The following BMPR2 variants were observed in gnomAD, a reference collection of about 807,000 sequenced individuals.
BMPR2 encodes the protein bone morphogenetic protein receptor type 2.
BMPR2 carries 29 observed loss-of-function variants against 100.8 expected under a neutral mutation model. That is an observed-to-expected ratio of 0.29 (90% CI 0.21 to 0.39). BMPR2 has a LOEUF of 0.39. Ranked by LOEUF, BMPR2 falls within the 10% of genes least tolerant of loss-of-function variation. The probability of loss-of-function intolerance (pLI) is 1.00; values close to 1 mark genes in which losing one functional copy is unlikely to be tolerated. For missense variants in BMPR2, 1,011 were observed against 1,274.5 expected, an observed-to-expected ratio of 0.79 and a Z score of 3.15; for synonymous variants, 382 against 442.3, an observed-to-expected ratio of 0.86 and a Z score of 1.71.
intron 1 of BMPR2, among the ~76,000 whole-genome samples, chr2:202,382,580 G>A (rs1690327225): frequency 6.6e-6 from 1 of 152,174 alleles, no homozygotes; most frequent in African/African-American, 2.4e-5. Context: ...TTATAATTTA[G>A]TAGACATTTA....
In BMPR2 at chr2:202,567,728, T is replaced by A. The variant is rs942664273; in HGVS notation, c.*7782T>A. 2.0e-5 allele frequency: 3 copies of A among 152,634 alleles called. No individual in the cohort carries two copies. Among genetic ancestry groups the A allele is most frequent in the African/African-American group, 7.2e-5 (3 of 41,452 alleles). The allele number at this position is 152,634 out of a possible 1,614,324, so 9.5% of individuals were successfully genotyped here. A position where few individuals can be genotyped will look rare whatever the true frequency, so the allele number is the denominator to read the frequency against. On this transcript the variant is annotated 3_prime_UTR_variant, in exon 13 of 13. Transcript: ENST00000374580. ...GTAAAATGGTGCGTTATTCCGTTTA[T>A]TAAAGATCATATTAATGACAATAGT...
At position 202,411,778 on chromosome 2, in the gene BMPR2, A is replaced by T. The variant is rs189897612; in HGVS notation, c.76+34228A>T. Among the ~76,000 whole-genome samples, 45 of 152,296 alleles carry T rather than the reference A, an allele frequency of 3.0e-4. No homozygotes were observed. The East Asian group carries it at 6.9e-3, about 23-fold the overall frequency. On this transcript the variant is annotated intron_variant, in intron 1 of 12. Transcript: ENST00000374580. ...AGGTAATTTTTGTCTAATCATGAGA[A>T]AACAGAGATAAACCCAAATTGAGGA... is the stretch of plus-strand genomic sequence containing the variant.
intron 9 of BMPR2, among the ~76,000 whole-genome samples, chr2:202,541,832 C>T (rs1374614486): frequency 2.0e-5 from 3 of 152,178 alleles, no homozygotes; most frequent in African/African-American, 7.2e-5. Context: ...ATGCATTAGA[C>T]TGGGCATGGT....
intron 1 of BMPR2, among the ~76,000 whole-genome samples, chr2:202,430,740 ACC>A (rs540711042): frequency 0.01 from 1,501 of 145,754 alleles, 47 homozygotes; most frequent in African/African-American, 0.04. Context: ...CAGGTGGATC[ACC>A]TGAGGTCAGG....
chr2:202,477,632 C>A (rs977121660), intron 3 of BMPR2, among the ~76,000 whole-genome samples: 2 of 151,954 alleles, frequency 1.3e-5, no homozygotes, highest in African/African-American at 4.8e-5. Context: ...ACTGAAAATA[C>A]AAAAATTAGC....
chr2:202,512,067 G>A (rs1299688522), intron 3 of BMPR2, among the ~76,000 whole-genome samples: 1 of 151,682 alleles, frequency 6.6e-6, no homozygotes, highest in Non-Finnish European at 1.5e-5. Context: ...TAAATGGTCT[G>A]CAAATTAAGA....
Position 202,562,408 on chromosome 2 carries a change from T to G in BMPR2, c.*2462T>G, listed in dbSNP as rs969996541. On this transcript the variant is annotated 3_prime_UTR_variant, in exon 13 of 13. Coordinates refer to ENST00000374580, the MANE Select transcript of BMPR2 (RefSeq NM_001204.7). The stretch of plus-strand genomic sequence containing the variant: ...CTTTCACCAGTTTTTCTTAGTAAAC[T>G]CCTGAAAAAGTAGGAAAGGTGGAAA... 1 of 152,608 alleles carries G rather than the reference T, an allele frequency of 6.6e-6. No homozygotes were observed. The highest frequency in any genetic ancestry group is 1.5e-5 in the Non-Finnish European group (1 of 68,026). The allele number at this position is 152,608 out of a possible 1,614,324, so 9.5% of individuals were successfully genotyped here.
intron 11 of BMPR2, among the ~76,000 whole-genome samples, chr2:202,554,320 C>T (rs897252351): frequency 6.6e-6 from 1 of 152,032 alleles, no homozygotes; most frequent in Non-Finnish European, 1.5e-5. Flanking sequence ...GAAAAAAAAA[C>T]CTTGATGGCC....
chr2:202,526,898 C>CT (rs1473487171), intron 7 of BMPR2, among the ~76,000 whole-genome samples: 1 of 152,080 alleles, frequency 6.6e-6, no homozygotes, highest in Non-Finnish European at 1.5e-5. Context: ...GAGTCTCACT[C>CT]TGTTGCCCAG....
chr2:202,454,184 C>T (rs1376444239), intron 1 of BMPR2, among the ~76,000 whole-genome samples: 9 of 152,128 alleles, frequency 5.9e-5, no homozygotes, highest in Admixed American at 4.6e-4. Flanking sequence ...ATCCTCCCAC[C>T]CCAGCCTCCC....
chr2:202,498,060 A>G (rs916859771), intron 3 of BMPR2, among the ~76,000 whole-genome samples: 1 of 152,038 alleles, frequency 6.6e-6, no homozygotes, highest in Non-Finnish European at 1.5e-5. Context: ...CACTCTTCCA[A>G]CCCTGGAGAT....
intron 1 of BMPR2, among the ~76,000 whole-genome samples, chr2:202,464,445 T>C (rs1017987047): frequency 4.6e-5 from 7 of 152,188 alleles, no homozygotes; most frequent in African/African-American, 1.7e-4. Flanking sequence ...TTTCCAGAAT[T>C]ATTCAGCCTT....
At position 202,389,526 on chromosome 2, in the gene BMPR2, CAAAAAA is replaced by C. The variant is rs781745252; in HGVS notation, c.76+11990_76+11995del. The stretch of plus-strand genomic sequence containing the variant: ...TGGGCGACAGAGTAAGATTCCATCT[CAAAAAA>C]AAAAAAAAAAAAAGACTTGTTTTTG... On this transcript the variant is annotated intron_variant, in intron 1 of 12. Coordinates refer to ENST00000374580, the MANE Select transcript of BMPR2 (RefSeq NM_001204.7). Among the ~76,000 whole-genome samples, 10 of 56,612 alleles carry C rather than the reference CAAAAAA, an allele frequency of 1.8e-4. No individual in the cohort carries two copies. The East Asian group carries it at 4.6e-3, about 26-fold the overall frequency. The allele number at this position is 56,612 out of a possible 152,430, so 37.1% of individuals were successfully genotyped here. A position where few individuals can be genotyped will look rare whatever the true frequency, so the allele number is the denominator to read the frequency against.
chr2:202,551,762 C>T (rs1468512865), intron 10 of BMPR2, among the ~76,000 whole-genome samples: 1 of 151,800 alleles, frequency 6.6e-6, no homozygotes, highest in African/African-American at 2.4e-5. Context: ...TGCAGTGGCA[C>T]GATCTTGGCT....
intron 10 of BMPR2, among the ~76,000 whole-genome samples, chr2:202,544,743 TC>T (rs1208407569): frequency 6.1e-5 from 9 of 146,868 alleles, no homozygotes; most frequent in Admixed American, 3.6e-4. Context: ...AGAGGAATTT[TC>T]TTTTTTCTTT....
intron 11 of BMPR2, among the ~76,000 whole-genome samples, chr2:202,553,839 C>G (rs185222521): frequency 9.1e-4 from 139 of 152,186 alleles, no homozygotes; most frequent in Non-Finnish European, 1.5e-3. Flanking sequence ...CAGTCACGAG[C>G]CACCACGCCC....
Position 202,467,203 on chromosome 2 carries a change from C to CA in BMPR2, c.248-315dup, listed in dbSNP as rs902150577. Reference sequence around the variant, plus strand: ...GCTTGAACCCGGGAGGTGGAGATTGCAGTGAGCTGAGATCGTGCCATTGCA... The same window carrying CA: ...GCTTGAACCCGGGAGGTGGAGATTGCAAGTGAGCTGAGATCGTGCCATTGCA... On this transcript the variant is annotated intron_variant, in intron 2 of 12. Coordinates refer to ENST00000374580, the MANE Select transcript of BMPR2 (RefSeq NM_001204.7). 1.2e-4 allele frequency: 42 copies of CA among 347,650 alleles called. No individual in the cohort carries two copies. In the Admixed American group the frequency reaches 1.6e-3, roughly 13 times the overall value. The allele number at this position is 347,650 out of a possible 1,614,324, so 21.5% of individuals were successfully genotyped here. A position where few individuals can be genotyped will look rare whatever the true frequency, so the allele number is the denominator to read the frequency against.
chr2:202,554,022 A>G (rs1255102209), intron 11 of BMPR2, among the ~76,000 whole-genome samples: 1 of 152,162 alleles, frequency 6.6e-6, no homozygotes, highest in South Asian at 2.1e-4. Flanking sequence ...TGTGAAAGCT[A>G]TTTGTATTAG....
In BMPR2 at chr2:202,467,591, C is replaced by A. The variant is rs1085307208; in HGVS notation, c.320C>A (p.Ser107Ter). 1 of 1,590,758 alleles carries A rather than the reference C, an allele frequency of 6.3e-7. No individual in the cohort carries two copies. ...TGTGTAGTAACTACCACTCCTCCCT[C>A]AATTCAGAATGGAACATACCGTTTC... is the stretch of plus-strand genomic sequence containing the variant. ...EECVVTTTPP[S>*]IQNGTYRFCC... Residue 107 changes from serine (S) to a stop codon, truncating the protein, a stop_gained, in exon 3 of 13, where the codon TCA (serine) becomes TAA (stop). Transcript: ENST00000374580. LOFTEE classifies it high-confidence loss of function.
Sources: allele counts gnomAD v4.1 joint callset (sites outside exome capture counted in the v4.1 genomes callset), GRCh38; gene constraint gnomAD v4.1.1; transcripts MANE v1.5; gene names NCBI Gene and HGNC (gene_info 2026-07-23, HGNC 2026-07-21).